Variants in HERC3 observed in about 807,000 individuals in gnomAD.
HERC3 encodes HECT and RLD domain containing E3 ubiquitin protein ligase 3, also known as probable E3 ubiquitin-protein ligase HERC3.
In HERC3, 58 loss-of-function variants were observed where a neutral mutation model predicts 129.9. The observed-to-expected ratio is 0.45, with a 90% confidence interval of 0.36 to 0.56. The LOEUF (loss-of-function observed/expected upper bound fraction) is 0.56. Ranked by LOEUF, HERC3 falls within the 20% of genes least tolerant of loss-of-function variation. HERC3 has a pLI of 0.00. For synonymous variants in HERC3, 430 were observed against 451.0 expected, an observed-to-expected ratio of 0.95 and a Z score of 0.59; for missense variants, 835 against 1,244.2, an observed-to-expected ratio of 0.67 and a Z score of 4.95.
At chr4:88,624,043 T>G (rs1179788931) in intron 3 of HERC3, among the ~76,000 whole-genome samples, 1 of 152,228 alleles carries the variant, frequency 6.6e-6, no homozygotes, top group Non-Finnish European at 1.5e-5. Context: ...ACATATTATG[T>G]AGTCTTTTGT....
chr4:88,529,625 G>A, the HERC3 span, among the ~76,000 whole-genome samples: 1 of 151,898 alleles, frequency 6.6e-6, no homozygotes, highest in Admixed American at 6.6e-5. Context: ...GTGGTGGCAG[G>A]CGCCAGTAAT....
At chr4:88,613,384 T>C (rs1020935941) in intron 3 of HERC3, among the ~76,000 whole-genome samples, 15 of 152,244 alleles carry the variant, frequency 9.9e-5, no homozygotes, top group Non-Finnish European at 1.6e-4. Context: ...ACATTCGCAC[T>C]TTGTATTCAG....
the HERC3 span, among the ~76,000 whole-genome samples, chr4:88,577,165 C>T: frequency 1.3e-5 from 2 of 152,128 alleles, no homozygotes; most frequent in South Asian, 2.1e-4. Flanking sequence ...TGGATTTGAG[C>T]TATGGGGCAG....
upstream of HERC3, among the ~76,000 whole-genome samples, chr4:88,591,879 G>T (rs1322125393): frequency 1.3e-5 from 2 of 151,824 alleles, no homozygotes; most frequent in Non-Finnish European, 2.9e-5. Context: ...CCCCAGGCCC[G>T]CCTTTCTTCC....
intron 3 of HERC3, among the ~76,000 whole-genome samples, chr4:88,638,169 G>C (rs931728202): frequency 1.3e-5 from 2 of 152,166 alleles, no homozygotes; most frequent in Non-Finnish European, 2.9e-5. Context: ...GGTACAAAGA[G>C]GAGCTGGTAT....
chr4:88,631,863 T>A (rs2860401), intron 3 of HERC3, among the ~76,000 whole-genome samples: 7,862 of 152,270 alleles, frequency 0.052, 543 homozygotes, highest in East Asian at 0.27. Context: ...GATAAGTACA[T>A]GCCTTCCTGT....
At chr4:88,586,317 A>G in the HERC3 span, among the ~76,000 whole-genome samples, 2 of 151,712 alleles carry the variant, frequency 1.3e-5, no homozygotes, top group African/African-American at 2.4e-5. Context: ...GAGATGAATG[A>G]TAAATATTAT....
At chr4:88,534,899 A>G in the HERC3 span, among the ~76,000 whole-genome samples, 1 of 152,178 alleles carries the variant, frequency 6.6e-6, no homozygotes, top group Non-Finnish European at 1.5e-5. Flanking sequence ...AAGGAAATGA[A>G]CCTCCAAAAG....
chr4:88,590,731 C>T (rs1355036682), upstream of HERC3, among the ~76,000 whole-genome samples: 2 of 152,200 alleles, frequency 1.3e-5, no homozygotes, highest in Non-Finnish European at 2.9e-5. Flanking sequence ...TACCAGACTC[C>T]TCTTTGGGCA....
the HERC3 span, among the ~76,000 whole-genome samples, chr4:88,529,772 G>T: frequency 6.6e-6 from 1 of 151,546 alleles, no homozygotes; most frequent in Non-Finnish European, 1.5e-5. Context: ...AAAAAATGTT[G>T]GTTCTCTTTA....
At chr4:88,653,139 T>G (rs1729476172) in intron 6 of HERC3, 49 bp downstream of exon 6, 1 of 1,551,050 alleles carries the variant, frequency 6.4e-7, no homozygotes, top group Non-Finnish European at 8.9e-7. Context: ...GCACATTCAT[T>G]TAACACATGC....
the HERC3 span, among the ~76,000 whole-genome samples, chr4:88,586,650 C>T: frequency 1.2e-4 from 18 of 152,210 alleles, no homozygotes; most frequent in South Asian, 6.2e-4. Flanking sequence ...TGAGCCACCA[C>T]GCCTGGCCGA....
the HERC3 span, among the ~76,000 whole-genome samples, chr4:88,537,431 A>G: frequency 6.6e-6 from 1 of 152,302 alleles, no homozygotes; most frequent in African/African-American, 2.4e-5. Flanking sequence ...CAGGTAATAT[A>G]TATTTTTAAG....
intron 3 of HERC3, among the ~76,000 whole-genome samples, chr4:88,622,308 C>G (rs1410650580): frequency 6.6e-6 from 1 of 152,178 alleles, no homozygotes; most frequent in East Asian, 1.9e-4. Flanking sequence ...TAGCATGTAT[C>G]AGTACTTAAT....
intron 3 of HERC3, among the ~76,000 whole-genome samples, chr4:88,631,193 C>G (rs1001746444): frequency 6.6e-6 from 1 of 152,162 alleles, no homozygotes; most frequent in Non-Finnish European, 1.5e-5. Context: ...CATGGTGGCT[C>G]ACAATAATCC....
At chr4:88,534,275 G>A in the HERC3 span, among the ~76,000 whole-genome samples, 1 of 152,198 alleles carries the variant, frequency 6.6e-6, no homozygotes, top group Non-Finnish European at 1.5e-5. Flanking sequence ...GCAATGTGTG[G>A]ATGTATTTTT....
At chr4:88,532,071 A>T in the HERC3 span, among the ~76,000 whole-genome samples, 1 of 152,146 alleles carries the variant, frequency 6.6e-6, no homozygotes, top group Admixed American at 6.5e-5. Flanking sequence ...CCTACACTGA[A>T]CCCTGACTGG....
chr4:88,692,441 A>G (rs1176594385), intron 23 of HERC3, among the ~76,000 whole-genome samples: 1 of 152,126 alleles, frequency 6.6e-6, no homozygotes, highest in Non-Finnish European at 1.5e-5. Context: ...TTCAAAGGGC[A>G]TCTAGATTCC....
intron 23 of HERC3, among the ~76,000 whole-genome samples, chr4:88,694,074 C>G (rs1391169241): frequency 6.6e-6 from 1 of 152,286 alleles, no homozygotes; most frequent in African/African-American, 2.4e-5. Flanking sequence ...GCCAACAATT[C>G]TCTAAGCTAG....
Sources: allele counts gnomAD v4.1 joint callset (sites outside exome capture counted in the v4.1 genomes callset), GRCh38; gene constraint gnomAD v4.1.1; transcripts MANE v1.5; gene names NCBI Gene and HGNC (gene_info 2026-07-23, HGNC 2026-07-21).